TRPM6: variants seen among roughly 807,000 people sequenced by gnomAD.
TRPM6 encodes transient receptor potential cation channel subfamily M member 6, also known as channel kinase 2.
Under a neutral mutation model 247.6 loss-of-function variants are expected in TRPM6, and 111 were observed. That is an observed-to-expected ratio of 0.45 (90% CI 0.38 to 0.52). TRPM6 has a LOEUF of 0.52. TRPM6 is among the 20% of genes least tolerant of loss of function. The probability of loss-of-function intolerance (pLI) is 0.00; values close to 1 mark genes in which losing one functional copy is unlikely to be tolerated. For synonymous variants in TRPM6, 892 were observed against 853.8 expected (o/e 1.04, Z -0.78); for missense variants, 2,126 against 2,421.5 (o/e 0.88, Z 2.56).
At chr9:74,831,393 G>A (rs1829541913) in intron 6 of TRPM6, among the ~76,000 whole-genome samples, 1 of 152,140 alleles carries the variant, frequency 6.6e-6, no homozygotes. Flanking sequence ...GGGAGGCTGA[G>A]GCAGGAGAAT....
intron 37 of TRPM6, among the ~76,000 whole-genome samples, chr9:74,731,709 A>T (rs1825527712): frequency 2.0e-5 from 3 of 148,188 alleles, no homozygotes; most frequent in African/African-American, 7.3e-5. Context: ...TAATATATAT[A>T]ATATATATAA....
chr9:74,827,300 C>T (rs1361920888), intron 7 of TRPM6: 1 of 156,542 alleles, frequency 6.4e-6, no homozygotes, highest in Non-Finnish European at 1.4e-5. Context: ...CCAAACATTT[C>T]TTCCTCTCTC....
chr9:74,745,040 TG>T (rs1825987958), intron 31 of TRPM6, among the ~76,000 whole-genome samples: 1 of 152,244 alleles, frequency 6.6e-6, no homozygotes, highest in Admixed American at 6.5e-5. Flanking sequence ...ATGAGAGATA[TG>T]GGTAAGGTGT....
At chr9:74,829,830 A>C (rs936547190) in intron 6 of TRPM6, among the ~76,000 whole-genome samples, 21 of 152,188 alleles carry the variant, frequency 1.4e-4, no homozygotes, top group African/African-American at 4.8e-4. Flanking sequence ...GAATTATAGG[A>C]TCTTTCAAGG....
intron 31 of TRPM6, among the ~76,000 whole-genome samples, chr9:74,745,854 A>G (rs1826027219): frequency 6.6e-6 from 1 of 152,218 alleles, no homozygotes; most frequent in African/African-American, 2.4e-5. Context: ...TTCAGTTTAA[A>G]AGGATTATTC....
At chr9:74,753,383 C>T (rs1826326631) in intron 28 of TRPM6, among the ~76,000 whole-genome samples, 1 of 151,966 alleles carries the variant, frequency 6.6e-6, no homozygotes, top group African/African-American at 2.4e-5. Flanking sequence ...AAAAAGTATA[C>T]AAGAAGTATA....
At chr9:74,855,473 A>G in intron 3 of TRPM6, 54 bp downstream of exon 3, 1 of 1,267,252 alleles carries the variant, frequency 7.9e-7, no homozygotes, top group Non-Finnish European at 1.2e-6. Flanking sequence ...GTCCCAGTGA[A>G]TTTTAAATAG....
intron 37 of TRPM6, among the ~76,000 whole-genome samples, chr9:74,732,220 CCT>C (rs1193733462): frequency 1.3e-5 from 2 of 152,154 alleles, no homozygotes; most frequent in African/African-American, 4.8e-5. Context: ...ATTGTTTTGT[CCT>C]CTCATAAGAT....
At chr9:74,829,637 A>C (rs1448395356) in intron 6 of TRPM6, among the ~76,000 whole-genome samples, 1 of 152,224 alleles carries the variant, frequency 6.6e-6, no homozygotes, top group Non-Finnish European at 1.5e-5. Flanking sequence ...GAACTTTATA[A>C]ACATTAGGCT....
At chr9:74,794,618 T>C (rs1406605349) in intron 18 of TRPM6, among the ~76,000 whole-genome samples, 2 of 152,194 alleles carry the variant, frequency 1.3e-5, no homozygotes, top group African/African-American at 4.8e-5. Flanking sequence ...GTAATGACTT[T>C]ATTATTAAAT....
chr9:74,752,620 G>T (rs776626284), intron 28 of TRPM6, among the ~76,000 whole-genome samples: 1 of 152,058 alleles, frequency 6.6e-6, no homozygotes, highest in Non-Finnish European at 1.5e-5. Context: ...CTCTATTGAA[G>T]TCAAGAATTA....
chr9:74,774,093 C>T (rs2118891171), intron 24 of TRPM6, among the ~76,000 whole-genome samples: 1 of 152,286 alleles, frequency 6.6e-6, no homozygotes, highest in South Asian at 2.1e-4. Context: ...ACTGCTGCCC[C>T]TTGTGTAAAT....
Position 74,803,896 on chromosome 9 carries a change from G to T in TRPM6, c.1639-10C>A, listed in dbSNP as rs1828434963. 3 of 1,587,858 alleles carry T rather than the reference G, an allele frequency of 1.9e-6. No individual in the cohort carries two copies. The African/African-American group carries it at 4.0e-5, about 21-fold the overall frequency. On this transcript the variant is annotated splice_polypyrimidine_tract_variant and intron_variant, in intron 14 of 38. Coordinates refer to ENST00000360774, the MANE Select transcript of TRPM6 (RefSeq NM_017662.5). ...AGGAGTGTCTCTGGTGCTGGGAAAG[G>T]TTTTGAACAAAGCTGGTCACTCTCT...
At chr9:74,829,981 A>G (rs1160684992) in intron 6 of TRPM6, among the ~76,000 whole-genome samples, 1 of 152,124 alleles carries the variant, frequency 6.6e-6, no homozygotes, top group African/African-American at 2.4e-5. Flanking sequence ...ATTTTTAAGA[A>G]TTAGTTGGGT....
At chr9:74,851,578 T>C (rs1830313936) in intron 3 of TRPM6, among the ~76,000 whole-genome samples, 1 of 151,480 alleles carries the variant, frequency 6.6e-6, no homozygotes, top group Non-Finnish European at 1.5e-5. Flanking sequence ...TGAAACCCCA[T>C]CTCTGCTAAA....
At chr9:74,770,279 A>G (rs950376594) in intron 25 of TRPM6, among the ~76,000 whole-genome samples, 7 of 152,330 alleles carry the variant, frequency 4.6e-5, no homozygotes, top group Non-Finnish European at 5.9e-5. Context: ...GATATTTGAC[A>G]TCAGAAAAAA....
At chr9:74,838,308 A>G (rs188344217) in intron 5 of TRPM6, among the ~76,000 whole-genome samples, 42 of 152,346 alleles carry the variant, frequency 2.8e-4, no homozygotes, top group African/African-American at 9.4e-4. Context: ...TGGAAATCAA[A>G]TAAGAACTAT....
intron 25 of TRPM6, among the ~76,000 whole-genome samples, chr9:74,767,166 G>T (rs1471481346): frequency 6.6e-6 from 1 of 152,160 alleles, no homozygotes; most frequent in African/African-American, 2.4e-5. Flanking sequence ...TCAAATAGTG[G>T]TGGGACCTGC....
chr9:74,788,813 G>A, intron 19 of TRPM6, 71 bp from the exon 20 acceptor site: 1 of 1,579,900 alleles, frequency 6.3e-7, no homozygotes, highest in East Asian at 2.3e-5. Flanking sequence ...AGACGCAGAT[G>A]GAGCAGAAAC....
Sources: allele counts gnomAD v4.1 joint callset (sites outside exome capture counted in the v4.1 genomes callset), GRCh38; gene constraint gnomAD v4.1.1; transcripts MANE v1.5; gene names NCBI Gene and HGNC (gene_info 2026-07-23, HGNC 2026-07-21).